AGBL4: variants seen among roughly 807,000 people sequenced by gnomAD.
The protein encoded by AGBL4 is cytosolic carboxypeptidase 6.
In AGBL4, 58 loss-of-function variants were observed where a neutral mutation model predicts 66.4. The ratio of observed to expected loss-of-function variants is 0.87; its 90% CI spans 0.71 to 1.09. The LOEUF is 1.09. Among genes scored for constraint, AGBL4 ranks in the 50% least tolerant of loss-of-function variants. The probability of loss-of-function intolerance (pLI) is 0.00; values close to 1 mark genes in which losing one functional copy is unlikely to be tolerated. For missense variants in AGBL4, 579 were observed against 631.0 expected, an observed-to-expected ratio of 0.92 and a Z score of 0.88; for synonymous variants, 234 against 222.9, an observed-to-expected ratio of 1.05 and a Z score of -0.44.
At chr1:48,575,549 G>A (rs186985215) in intron 11 of AGBL4, among the ~76,000 whole-genome samples, 186 of 152,186 alleles carry the variant, frequency 1.2e-3, no homozygotes, top group Middle Eastern at 6.8e-3. Flanking sequence ...AGCCTTCTCC[G>A]GCCTCATTGC....
chr1:48,856,860 A>T (rs1647171038), intron 6 of AGBL4, among the ~76,000 whole-genome samples: 1 of 152,142 alleles, frequency 6.6e-6, no homozygotes, highest in Non-Finnish European at 1.5e-5. Context: ...AGTGACTATC[A>T]TGTCCCTGAC....
intron 1 of AGBL4, among the ~76,000 whole-genome samples, chr1:49,931,909 T>G (rs1380649341): frequency 3.9e-5 from 6 of 152,286 alleles, no homozygotes; most frequent in Non-Finnish European, 5.9e-5. Context: ...GCCCCAGTTG[T>G]GTATCCCTAA....
intron 6 of AGBL4, among the ~76,000 whole-genome samples, chr1:48,798,136 A>T (rs1350145397): frequency 6.6e-6 from 1 of 152,110 alleles, no homozygotes; most frequent in Non-Finnish European, 1.5e-5. Context: ...CCATGCCAAC[A>T]TCTATTATTT....
chr1:49,891,383 C>T (rs1022257404), intron 1 of AGBL4, among the ~76,000 whole-genome samples: 1 of 152,136 alleles, frequency 6.6e-6, no homozygotes, highest in Non-Finnish European at 1.5e-5. Context: ...GGCAATTTTG[C>T]TGCTCAAGGG....
chr1:49,896,406 T>G (rs1335867924), intron 1 of AGBL4, among the ~76,000 whole-genome samples: 1 of 151,910 alleles, frequency 6.6e-6, no homozygotes, highest in Non-Finnish European at 1.5e-5. Context: ...AACAAAGCAT[T>G]TCACACTATA....
chr1:49,433,126 C>G (rs1030466784), intron 3 of AGBL4, among the ~76,000 whole-genome samples: 1 of 152,118 alleles, frequency 6.6e-6, no homozygotes, highest in African/African-American at 2.4e-5. Flanking sequence ...CTATGCATCT[C>G]TTTTCATCTG....
chr1:49,011,592 T>G (rs1345682283), intron 5 of AGBL4, among the ~76,000 whole-genome samples: 2 of 152,084 alleles, frequency 1.3e-5, no homozygotes, highest in African/African-American at 4.8e-5. Context: ...ATATGTTTAT[T>G]GCGGCACTAT....
chr1:49,724,914 TC>T (rs1558194113), intron 2 of AGBL4, among the ~76,000 whole-genome samples: 2 of 151,988 alleles, frequency 1.3e-5, no homozygotes, highest in East Asian at 3.9e-4. Context: ...AAAATAAATT[TC>T]TGTTGTATAA....
intron 3 of AGBL4, among the ~76,000 whole-genome samples, chr1:49,523,882 A>G (rs1383363647): frequency 6.6e-6 from 1 of 152,040 alleles, no homozygotes; most frequent in African/African-American, 2.4e-5. Flanking sequence ...TATACCCACA[A>G]TGGCTAGCCA....
At chr1:49,700,017 A>G (rs1357246234) in intron 2 of AGBL4, among the ~76,000 whole-genome samples, 3 of 151,718 alleles carry the variant, frequency 2.0e-5, no homozygotes, top group Admixed American at 6.6e-5. Context: ...TCTTATATAT[A>G]TAAAATAAAA....
chr1:48,523,265 C>T, the AGBL4 span, among the ~76,000 whole-genome samples: 1 of 152,198 alleles, frequency 6.6e-6, no homozygotes, highest in Admixed American at 6.5e-5. Flanking sequence ...TTTGTCCCTG[C>T]TCCTGATGTC....
At chr1:49,808,922 A>C (rs1315483229) in intron 2 of AGBL4, among the ~76,000 whole-genome samples, 1 of 152,186 alleles carries the variant, frequency 6.6e-6, no homozygotes. Context: ...TCTGAAAAAA[A>C]CATGCAGCGA....
intron 3 of AGBL4, among the ~76,000 whole-genome samples, chr1:49,544,925 T>A (rs964996929): frequency 4.6e-5 from 7 of 152,234 alleles, no homozygotes; most frequent in Non-Finnish European, 8.8e-5. Context: ...TGTGAGCCTA[T>A]ACTATCTACT....
chr1:48,628,458 G>A (rs1250228914), intron 9 of AGBL4, among the ~76,000 whole-genome samples: 1 of 151,736 alleles, frequency 6.6e-6, no homozygotes, highest in Non-Finnish European at 1.5e-5. Context: ...TTTTTTAGTC[G>A]TGATATTTAA....
intron 2 of AGBL4, chr1:49,844,857 G>A (rs1646095202): frequency 6.7e-7 from 1 of 1,499,218 alleles, no homozygotes; most frequent in South Asian, 1.1e-5. Context: ...AGAGCCTAGA[G>A]AGCCTGGCAG....
At chr1:49,936,985 A>C (rs1295837508) in intron 1 of AGBL4, among the ~76,000 whole-genome samples, 5 of 152,204 alleles carry the variant, frequency 3.3e-5, no homozygotes. Context: ...ATTCACACAT[A>C]ACAATATTAA....
In AGBL4 at chr1:48,576,865, T is replaced by A. The variant is rs143508053; in HGVS notation, c.1267+10139A>T. Among the ~76,000 whole-genome samples, 325 of 152,334 alleles carry A rather than the reference T, an allele frequency of 2.1e-3. 3 individuals are homozygous for A. Among genetic ancestry groups the A allele is most frequent in the African/African-American group, 7.5e-3 (312 of 41,580 alleles). ...GGATGTGGGAGTTGACACATTGCCC[T>A]GTTGATCAATATCAAACTTAATAGT... On this transcript the variant is annotated intron_variant, in intron 11 of 13. Coordinates refer to ENST00000371839, the MANE Select transcript of AGBL4 (RefSeq NM_032785.4).
intron 4 of AGBL4, among the ~76,000 whole-genome samples, chr1:49,061,945 G>A (rs1331878532): frequency 6.6e-6 from 1 of 152,092 alleles, no homozygotes; most frequent in Admixed American, 6.5e-5. Flanking sequence ...CCACGGACAG[G>A]CCACACAGCA....
chr1:49,946,748 AAGAT>A (rs1410589993), intron 1 of AGBL4, among the ~76,000 whole-genome samples: 1 of 152,004 alleles, frequency 6.6e-6, no homozygotes, highest in Non-Finnish European at 1.5e-5. Flanking sequence ...AAAAATATAA[AAGAT>A]AAATGAAACA....
Sources: allele counts gnomAD v4.1 joint callset (sites outside exome capture counted in the v4.1 genomes callset), GRCh38; gene constraint gnomAD v4.1.1; transcripts MANE v1.5; gene names NCBI Gene and HGNC (gene_info 2026-07-23, HGNC 2026-07-21).